Variants in INO80 observed in about 807,000 individuals in gnomAD.
INO80 encodes the protein INO80 complex ATPase subunit, also known as chromatin-remodeling ATPase INO80.
A neutral mutation model predicts 203.4 loss-of-function variants in INO80; 20 were observed. The ratio of observed to expected loss-of-function variants is 0.10; its 90% confidence interval spans 0.07 to 0.14. The LOEUF is 0.14. Ranked by LOEUF, INO80 falls within the 10% of genes least tolerant of loss-of-function variation. The probability of loss-of-function intolerance (pLI) is 1.00; values close to 1 mark genes in which losing one functional copy is unlikely to be tolerated. For synonymous variants in INO80, 726 were observed against 685.2 expected (o/e 1.06, Z -0.93); for missense variants, 1,419 against 1,914.4 (o/e 0.74, Z 4.83).
intron 1 of INO80, among the ~76,000 whole-genome samples, chr15:41,103,425 TGTCACCCAG>T (rs2045837132): frequency 6.6e-6 from 1 of 152,192 alleles, no homozygotes; most frequent in African/African-American, 2.4e-5. Flanking sequence ...AGTCTCGCTT[TGTCACCCAG>T]GGTGGAGTCC....
intron 1 of INO80, among the ~76,000 whole-genome samples, chr15:41,100,100 G>C (rs1336999281): frequency 1.3e-5 from 2 of 151,262 alleles, no homozygotes; most frequent in East Asian, 3.9e-4. Flanking sequence ...TTTTTTTTGA[G>C]ACAAAGTCTT....
At position 40,983,056 on chromosome 15, in the gene INO80, G is replaced by A. The variant is rs1240391865; in HGVS notation, c.4259C>T (p.Pro1420Leu). The A allele has an allele frequency of 6.2e-7, 1 of 1,613,698 alleles. No homozygotes were observed. The highest frequency in any genetic ancestry group is 8.5e-7 in the Non-Finnish European group (1 of 1,179,902). The change falls in exon 35 of 36, where the codon CCA becomes CTA. Residue 1420 changes from proline (P) to leucine (L), a missense_variant. Physicochemically the swap from Pro to Leu is moderately conservative, Grantham distance 98. Coordinates refer to ENST00000648947, the MANE Select transcript of INO80 (RefSeq NM_017553.3). ...TVNGISIQEMPAAGRGHSARS... is the reference protein window; with the variant it reads ...TVNGISIQEMLAAGRGHSARS... ...GGCTGAGTGACCACGTCCTGCAGCT[G>A]GCATTTCCTGAATGGAAATTCCTGT...
At chr15:41,095,993 C>A in intron 2 of INO80, 65 bp from the exon 3 acceptor site, 1 of 1,496,646 alleles carries the variant, frequency 6.7e-7, no homozygotes, top group Non-Finnish European at 9.1e-7. Flanking sequence ...AAAGTTAGAA[C>A]TGGACACTTT....
At chr15:40,986,998 A>G in intron 31 of INO80, 93 bp downstream of exon 31, 1 of 666,322 alleles carries the variant, frequency 1.5e-6, no homozygotes, top group Non-Finnish European at 2.7e-6. Flanking sequence ...CCCTAAATAC[A>G]GCCTCTGGCT....
At chr15:41,067,452 T>C (rs561669467) in intron 14 of INO80, among the ~76,000 whole-genome samples, 19 of 151,992 alleles carry the variant, frequency 1.3e-4, no homozygotes, top group Non-Finnish European at 1.8e-4. Context: ...AAAAAGATGG[T>C]GATCACCATT....
chr15:41,108,356 G>A (rs562285905), intron 1 of INO80, among the ~76,000 whole-genome samples: 75 of 152,062 alleles, frequency 4.9e-4, no homozygotes, highest in African/African-American at 1.5e-3. Context: ...TTGGGAGGCC[G>A]AGGCAGGCGG....
Position 41,016,192 on chromosome 15 carries a change from T to C in INO80, c.3298A>G (p.Ser1100Gly), listed in dbSNP as rs1172276875. ...ACATCAAGGGCATACAGCTTTCCAC[T>C]GTCAGTGATGAGGCTCTCCTTGCCT... ...IPGKESLITD[S>G]GKLYALDVLL... The change falls in exon 27 of 36, where the codon AGT (serine) becomes GGT (glycine). Residue 1100 changes from serine to glycine, a missense_variant. Transcript: ENST00000648947. 2 of 1,613,776 alleles carry C rather than the reference T, an allele frequency of 1.2e-6. No homozygotes were observed. The highest frequency in any genetic ancestry group is 1.7e-6 in the Non-Finnish European group (2 of 1,179,916).
chr15:41,002,931 T>C (rs758698084), intron 28 of INO80, among the ~76,000 whole-genome samples: 4 of 152,044 alleles, frequency 2.6e-5, no homozygotes, highest in Non-Finnish European at 5.9e-5. Context: ...AGTGAAACCT[T>C]GTCTCTACTA....
chr15:41,059,148 G>T (rs1383352377), intron 15 of INO80, among the ~76,000 whole-genome samples: 1 of 150,672 alleles, frequency 6.6e-6, no homozygotes, highest in East Asian at 2.0e-4. Context: ...TTTATGTAGA[G>T]ATGGGGTCTC....
intron 1 of INO80, among the ~76,000 whole-genome samples, chr15:41,102,211 T>C (rs2035893880): frequency 6.6e-6 from 1 of 152,104 alleles, no homozygotes; most frequent in Non-Finnish European, 1.5e-5. Flanking sequence ...GATACGACTA[T>C]GTCTTATGTC....
chr15:41,000,706 C>CAAAAAAAAAAAAAAAAA (rs58232890), intron 28 of INO80, among the ~76,000 whole-genome samples: 4 of 56,794 alleles, frequency 7.0e-5, no homozygotes, highest in Non-Finnish European at 1.4e-4. Context: ...CACCCTGTCT[C>CAAAAAAAAAAAAAAAAA]AAAAAAAAAA....
At chr15:40,991,696 C>A (rs1017524207) in intron 29 of INO80, among the ~76,000 whole-genome samples, 2 of 151,754 alleles carry the variant, frequency 1.3e-5, no homozygotes, top group Non-Finnish European at 2.9e-5. Context: ...AGTTACCATG[C>A]GGTAGAGGGG....
At chr15:40,998,492 G>C (rs951858466) in intron 28 of INO80, among the ~76,000 whole-genome samples, 56 of 152,138 alleles carry the variant, frequency 3.7e-4, no homozygotes, top group African/African-American at 1.3e-3. Flanking sequence ...ACATACAAAT[G>C]ATTAAATATG....
At chr15:41,102,697 A>C (rs1277612121) in intron 1 of INO80, among the ~76,000 whole-genome samples, 1 of 152,142 alleles carries the variant, frequency 6.6e-6, no homozygotes, top group African/African-American at 2.4e-5. Flanking sequence ...GTATTATAAA[A>C]TATTTGTAAT....
At chr15:41,078,143 C>T (rs540883317) in intron 9 of INO80, among the ~76,000 whole-genome samples, 27 of 152,198 alleles carry the variant, frequency 1.8e-4, no homozygotes, top group Admixed American at 1.8e-3. Flanking sequence ...TGTGATCCAC[C>T]CACCTCGGCC....
intron 25 of INO80, among the ~76,000 whole-genome samples, chr15:41,026,727 A>T (rs1463850150): frequency 6.6e-6 from 1 of 152,190 alleles, no homozygotes; most frequent in Non-Finnish European, 1.5e-5. Flanking sequence ...ATGAACTGGG[A>T]AGACAGAAAT....
In INO80 at chr15:41,013,587, C is replaced by T. The variant is rs188681629; in HGVS notation, c.3402+2501G>A. The stretch of plus-strand genomic sequence containing the variant: ...GTAAACACTTTGGGCATTGTAATTC[C>T]ATGCTCATAAATTAAATTCTATTTC... On this transcript the variant is annotated intron_variant, in intron 27 of 35. Transcript: ENST00000648947. Among the ~76,000 whole-genome samples, 410 of 152,218 alleles carry T rather than the reference C, an allele frequency of 2.7e-3. 3 individuals are homozygous for T. The highest frequency in any genetic ancestry group is 0.013 in the South Asian group (62 of 4,824).
rs145270631 is a variant in INO80, at chr15:40,985,160, A to G, written c.3921+178T>C. 4.4e-3 allele frequency among the ~76,000 whole-genome samples: 670 copies of G among 152,266 alleles called. 5 individuals are homozygous for G. The highest frequency in any genetic ancestry group is 0.015 in the African/African-American group (628 of 41,550). On this transcript the variant is annotated intron_variant, in intron 32 of 35. Coordinates refer to ENST00000648947, the MANE Select transcript of INO80 (RefSeq NM_017553.3). ...GAGTTTGTGTGGAGAGTACAGATCT[A>G]CCAAGGCCACATTTCTCCTGAGCAA...
chr15:41,004,018 T>C (rs1444771725), intron 28 of INO80, among the ~76,000 whole-genome samples: 1 of 152,202 alleles, frequency 6.6e-6, no homozygotes, highest in African/African-American at 2.4e-5. Flanking sequence ...GATTTCAGAA[T>C]TAAGAAAAGA....
Sources: gnomAD v4.1 joint callset for allele counts (sites outside exome capture counted in the v4.1 genomes callset) on GRCh38, gnomAD v4.1.1 for gene constraint, MANE v1.5 for transcripts, NCBI Gene and HGNC (gene_info 2026-07-23, HGNC 2026-07-21) for gene names.